Variants in ADAMTSL1 observed in about 807,000 individuals in gnomAD.
ADAMTSL1 encodes the protein ADAMTS like 1.
In ADAMTSL1, 126 loss-of-function variants were observed where a neutral mutation model predicts 201.8. The observed-to-expected ratio is 0.62, with a 90% CI of 0.54 to 0.72. The LOEUF (loss-of-function observed/expected upper bound fraction) is 0.72. ADAMTSL1 is among the 30% of genes least tolerant of loss of function. The pLI is 0.00. For synonymous variants in ADAMTSL1, 1,121 were observed against 903.4 expected (o/e 1.24, Z -4.32); for missense variants, 2,679 against 2,277.8 (o/e 1.18, Z -3.59).
intron 5 of ADAMTSL1, among the ~76,000 whole-genome samples, chr9:18,631,265 G>A (rs1826752061): frequency 6.6e-6 from 1 of 152,180 alleles, no homozygotes; most frequent in Admixed American, 6.5e-5. Flanking sequence ...ATGGGAATGA[G>A]GAGGGCATCT....
chr9:18,394,490 A>AAG (rs139675029), intron 2 of ADAMTSL1, among the ~76,000 whole-genome samples: 16,347 of 152,206 alleles, frequency 0.11, 1,222 homozygotes, highest in Middle Eastern at 0.16. Context: ...CCCATTCTGC[A>AAG]AGAGAGAGAG....
At chr9:18,456,816 C>T (rs894873772) in intron 2 of ADAMTSL1, among the ~76,000 whole-genome samples, 4 of 152,166 alleles carry the variant, frequency 2.6e-5, no homozygotes, top group Non-Finnish European at 5.9e-5. Flanking sequence ...TGCACTTCAA[C>T]CCCACCATGA....
chr9:18,067,857 G>C (rs1019346016), intron 1 of ADAMTSL1, among the ~76,000 whole-genome samples: 1 of 152,164 alleles, frequency 6.6e-6, no homozygotes, highest in South Asian at 2.1e-4. Flanking sequence ...AAGCATAAGA[G>C]GGTTCTTTTC....
At position 18,478,385 on chromosome 9, in the gene ADAMTSL1, C is replaced by T. The variant is rs1821565991; in HGVS notation, c.63+4090C>T. ...AACTCTTCCAGGAAAAATACTGGGT[C>T]CTATGAATTTCTGCTTTTCCCGAAG... On this transcript the variant is annotated intron_variant, in intron 1 of 28. Transcript: ENST00000380548. Among the ~76,000 whole-genome samples, 2 of 152,066 alleles carry T rather than the reference C, an allele frequency of 1.3e-5. 1 individual carries two copies. The highest frequency in any genetic ancestry group is 4.1e-4 in the South Asian group (2 of 4,822).
rs12336275 is a variant in ADAMTSL1, at chr9:18,326,827, A to G, written c.207+162846A>G. On this transcript the variant is annotated intron_variant, in intron 2 of 29. Coordinates refer to the ADAMTSL1 transcript ENST00000680146. The stretch of plus-strand genomic sequence containing the variant: ...GCATTTTTCCTAATGTGGAGCTTTT[A>G]TATGAGAATGTCTCTAATATAAGGC... 4.4e-3 allele frequency among the ~76,000 whole-genome samples: 675 copies of G among 152,322 alleles called. 3 individuals carry two copies. The highest frequency in any genetic ancestry group is 7.8e-3 in the Non-Finnish European group (531 of 68,036).
chr9:18,292,620 G>A (rs1353031486), intron 2 of ADAMTSL1, among the ~76,000 whole-genome samples: 1 of 152,166 alleles, frequency 6.6e-6, no homozygotes, highest in Non-Finnish European at 1.5e-5. Context: ...AGATGGAAGA[G>A]CAGACTTGCT....
chr9:18,672,629 G>T (rs1475502964), intron 9 of ADAMTSL1, among the ~76,000 whole-genome samples: 1 of 151,994 alleles, frequency 6.6e-6, no homozygotes, highest in Admixed American at 6.6e-5. Context: ...CAATCATATT[G>T]TACATTCTAT....
At chr9:18,009,353 C>A (rs1020327951) in intron 1 of ADAMTSL1, among the ~76,000 whole-genome samples, 1 of 151,964 alleles carries the variant, frequency 6.6e-6, no homozygotes, top group Non-Finnish European at 1.5e-5. Context: ...AAACCTTGTA[C>A]TCACTTCTAA....
intron 21 of ADAMTSL1, among the ~76,000 whole-genome samples, chr9:18,823,091 C>T (rs188189296): frequency 5.3e-5 from 8 of 152,328 alleles, no homozygotes; most frequent in African/African-American, 1.9e-4. Context: ...TATCATTCTC[C>T]ACCTAAGGCC....
chr9:18,475,762 G>A (rs1055693913), intron 1 of ADAMTSL1, among the ~76,000 whole-genome samples: 1 of 151,806 alleles, frequency 6.6e-6, no homozygotes, highest in Non-Finnish European at 1.5e-5. Flanking sequence ...ATTTTTTTAA[G>A]TGTGTGTTAT....
chr9:18,386,451 C>G (rs1172104645), intron 2 of ADAMTSL1, among the ~76,000 whole-genome samples: 2 of 152,052 alleles, frequency 1.3e-5, no homozygotes, highest in East Asian at 3.9e-4. Flanking sequence ...TCTGTGTTCC[C>G]CACAAATTTG....
At chr9:18,524,635 GA>G (rs1490338407) in intron 2 of ADAMTSL1, among the ~76,000 whole-genome samples, 19 of 152,240 alleles carry the variant, frequency 1.2e-4, no homozygotes, top group African/African-American at 4.6e-4. Flanking sequence ...AGTTTATTGA[GA>G]GTTCTTAGCA....
At chr9:18,076,874 A>C (rs778389774) in intron 1 of ADAMTSL1, among the ~76,000 whole-genome samples, 3 of 152,142 alleles carry the variant, frequency 2.0e-5, no homozygotes, top group Non-Finnish European at 4.4e-5. Flanking sequence ...GGTATTAAGG[A>C]GGCTTTTGCA....
chr9:18,070,254 G>C (rs1822901618), intron 1 of ADAMTSL1, among the ~76,000 whole-genome samples: 1 of 152,180 alleles, frequency 6.6e-6, no homozygotes, highest in African/African-American at 2.4e-5. Flanking sequence ...ATGTCCTGAA[G>C]GAGTGGATAG....
chr9:18,364,844 G>T (rs1409109886), intron 2 of ADAMTSL1, among the ~76,000 whole-genome samples: 1 of 152,010 alleles, frequency 6.6e-6, no homozygotes, highest in Admixed American at 6.6e-5. Flanking sequence ...GAGAGGGAGT[G>T]GGGAGGTGCC....
intron 1 of ADAMTSL1, among the ~76,000 whole-genome samples, chr9:18,063,749 C>A (rs7020385): frequency 6.6e-6 from 1 of 151,852 alleles, no homozygotes; most frequent in Non-Finnish European, 1.5e-5. Context: ...ATTGGGGAAA[C>A]TACACTAGAA....
intron 2 of ADAMTSL1, among the ~76,000 whole-genome samples, chr9:18,297,869 C>T (rs1439882692): frequency 1.3e-5 from 2 of 152,204 alleles, no homozygotes; most frequent in African/African-American, 4.8e-5. Context: ...CTTTGAACCG[C>T]AGCAAAAGTC....
chr9:18,054,888 A>G (rs776714936), intron 1 of ADAMTSL1, among the ~76,000 whole-genome samples: 15 of 152,286 alleles, frequency 9.8e-5, no homozygotes, highest in Middle Eastern at 3.4e-3. Context: ...TGCCCCCGCA[A>G]TCTTTTTGTA....
intron 3 of ADAMTSL1, among the ~76,000 whole-genome samples, chr9:18,558,051 G>A (rs1821213549): frequency 6.6e-6 from 1 of 152,046 alleles, no homozygotes; most frequent in South Asian, 2.1e-4. Context: ...GGATACACGT[G>A]CAGAACGTGC....
Sources: gnomAD v4.1 joint callset for allele counts (sites outside exome capture counted in the v4.1 genomes callset) on GRCh38, gnomAD v4.1.1 for gene constraint, MANE v1.5 for transcripts, NCBI Gene and HGNC (gene_info 2026-07-23, HGNC 2026-07-21) for gene names.